Variants in PPIH observed in about 807,000 individuals in gnomAD.
The protein encoded by PPIH is peptidylprolyl isomerase H, also known as peptidyl-prolyl cis-trans isomerase H.
A neutral mutation model predicts 27.6 loss-of-function variants in PPIH; 16 were observed. The observed-to-expected ratio is 0.58, with a 90% CI of 0.39 to 0.88. The LOEUF (loss-of-function observed/expected upper bound fraction) is 0.88. Ranked by LOEUF, PPIH falls within the 40% of genes least tolerant of loss-of-function variation. PPIH has a pLI of 0.00. For synonymous variants in PPIH, 63 were observed against 76.1 expected (o/e 0.83, Z 0.90); for missense variants, 155 against 224.1 (o/e 0.69, Z 1.97).
chr1:42,658,688 G>C, intron 1 of PPIH, 156 bp from the exon 2 acceptor site: 1 of 1,121,032 alleles, frequency 8.9e-7, no homozygotes, highest in South Asian at 1.4e-5. Context: ...CCCAATCCTA[G>C]CGCCCCGCTT....
chr1:42,663,892 G>A (rs1333131417), intron 5 of PPIH, among the ~76,000 whole-genome samples: 1 of 152,174 alleles, frequency 6.6e-6, no homozygotes, highest in Admixed American at 6.5e-5. Flanking sequence ...TAACTGGCGA[G>A]GAGAGCTTGA....
chr1:42,667,871 T>C (rs908677176), intron 9 of PPIH, among the ~76,000 whole-genome samples: 1 of 152,328 alleles, frequency 6.6e-6, no homozygotes, highest in East Asian at 1.9e-4. Flanking sequence ...TCATCAGAAC[T>C]GATACTGCAA....
intron 5 of PPIH, among the ~76,000 whole-genome samples, chr1:42,662,418 G>T (rs961689734): frequency 1.3e-5 from 2 of 152,000 alleles, no homozygotes; most frequent in Non-Finnish European, 2.9e-5. Context: ...TTTTGGTGGT[G>T]TGCGCCTGTA....
chr1:42,670,358 C>A (rs1649562240), intron 9 of PPIH, among the ~76,000 whole-genome samples: 1 of 152,146 alleles, frequency 6.6e-6, no homozygotes, highest in Non-Finnish European at 1.5e-5. Context: ...TTTTCAAAGA[C>A]TGACCACTGA....
downstream of PPIH, among the ~76,000 whole-genome samples, chr1:42,679,260 G>A (rs1296369789): frequency 6.6e-6 from 1 of 152,216 alleles, no homozygotes; most frequent in African/African-American, 2.4e-5. Flanking sequence ...CACAATCTCA[G>A]CTCACTGTAA....
chr1:42,668,750 C>T (rs1342450479), intron 9 of PPIH, among the ~76,000 whole-genome samples: 1 of 152,232 alleles, frequency 6.6e-6, no homozygotes, highest in Non-Finnish European at 1.5e-5. Flanking sequence ...CCAAAGGTCA[C>T]TTCCTTATTA....
Position 42,672,458 on chromosome 1 carries a change from T to TA in PPIH, c.*22-4125dup, listed in dbSNP as rs149768330. Among the ~76,000 whole-genome samples the TA allele has an allele frequency of 5.7e-3, 873 of 152,012 alleles. 8 individuals are homozygous for TA. The highest frequency in any genetic ancestry group is 0.02 in the African/African-American group (832 of 41,452). On this transcript the variant is annotated intron_variant, in intron 9 of 9. Coordinates refer to ENST00000304979, the MANE Select transcript of PPIH (RefSeq NM_006347.4). ...GGAATCCATTGCATTCACATCAAGGTATCACCTAATCCTGCATTTGAGGCC... is the reference window on the plus strand; with the variant it reads ...GGAATCCATTGCATTCACATCAAGGTAATCACCTAATCCTGCATTTGAGGCC...
downstream of PPIH, among the ~76,000 whole-genome samples, chr1:42,678,448 G>A (rs1649949960): frequency 6.6e-6 from 1 of 152,212 alleles, no homozygotes; most frequent in Admixed American, 6.5e-5. Flanking sequence ...CGCCCAGGCT[G>A]CAGTGCAATG....
intron 9 of PPIH, among the ~76,000 whole-genome samples, chr1:42,673,503 G>C (rs1043857295): frequency 1.3e-5 from 2 of 152,182 alleles, no homozygotes; most frequent in Non-Finnish European, 2.9e-5. Flanking sequence ...AGTACCAAAT[G>C]GTAGAGAGCT....
chr1:42,659,411 T>G, intron 3 of PPIH, 111 bp from the exon 4 acceptor site: 1 of 1,614,144 alleles, frequency 6.2e-7, no homozygotes, highest in Non-Finnish European at 8.5e-7. Context: ...TTTGCCTTCT[T>G]TATGTCTGTC....
At chr1:42,667,475 A>C in intron 9 of PPIH, 35 bp downstream of exon 9, 2 of 1,504,800 alleles carry the variant, frequency 1.3e-6, no homozygotes, top group Non-Finnish European at 1.8e-6. Context: ...GTTAGGAATC[A>C]GACCTCAGAG....
intron 9 of PPIH, among the ~76,000 whole-genome samples, chr1:42,671,988 A>G (rs1649663453): frequency 6.6e-6 from 1 of 151,602 alleles, no homozygotes; most frequent in Non-Finnish European, 1.5e-5. Flanking sequence ...GGTTCAAGCA[A>G]TTCTCCTGCC....
intron 5 of PPIH, among the ~76,000 whole-genome samples, chr1:42,663,996 G>T (rs929444842): frequency 6.6e-6 from 1 of 152,164 alleles, no homozygotes; most frequent in Non-Finnish European, 1.5e-5. Flanking sequence ...TTATTACCCA[G>T]ACTTCAGTTT....
chr1:42,666,309 C>T (rs995124556), intron 7 of PPIH, among the ~76,000 whole-genome samples: 1 of 152,032 alleles, frequency 6.6e-6, no homozygotes, highest in Non-Finnish European at 1.5e-5. Context: ...TTGCTAGCAC[C>T]AAAGAAATGC....
chr1:42,659,631 A>G (rs548763888), intron 4 of PPIH, 65 bp downstream of exon 4: 2 of 1,556,202 alleles, frequency 1.3e-6, no homozygotes, highest in East Asian at 4.5e-5. Context: ...TAGGCTCTTT[A>G]GAGGAAAATA....
chr1:42,663,424 T>C (rs1307850007), intron 5 of PPIH, among the ~76,000 whole-genome samples: 2 of 151,460 alleles, frequency 1.3e-5, no homozygotes, highest in Non-Finnish European at 1.5e-5. Flanking sequence ...TTAGATGGAG[T>C]CTCGCTCTGT....
intron 9 of PPIH, among the ~76,000 whole-genome samples, chr1:42,673,976 T>C (rs1464586145): frequency 2.6e-5 from 4 of 152,202 alleles, no homozygotes; most frequent in Non-Finnish European, 5.9e-5. Flanking sequence ...TAGGGGAAGA[T>C]TAGGAAATAT....
chr1:42,672,535 A>G (rs1273561780), intron 9 of PPIH, among the ~76,000 whole-genome samples: 1 of 152,222 alleles, frequency 6.6e-6, no homozygotes, highest in African/African-American at 2.4e-5. Context: ...AGGAGATAGA[A>G]GACGGGTCAC....
At chr1:42,679,553 ATGAG>A (rs1649973005), downstream of PPIH, among the ~76,000 whole-genome samples, 1 of 152,242 alleles carries the variant, frequency 6.6e-6, no homozygotes. Context: ...AAGTAACTGG[ATGAG>A]TAAGTAATGA....
Sources: gnomAD v4.1 joint callset for allele counts (sites outside exome capture counted in the v4.1 genomes callset) on GRCh38, gnomAD v4.1.1 for gene constraint, MANE v1.5 for transcripts, NCBI Gene and HGNC (gene_info 2026-07-23, HGNC 2026-07-21) for gene names.